Variants in ASAP3 observed in about 807,000 individuals in gnomAD.
The protein encoded by ASAP3 is arf-GAP with SH3 domain, ANK repeat and PH domain-containing protein 3.
A neutral mutation model predicts 118.2 loss-of-function variants in ASAP3; 85 were observed. The observed-to-expected ratio is 0.72, with a 90% CI of 0.60 to 0.86. The LOEUF (loss-of-function observed/expected upper bound fraction) is 0.86, where lower values mean the gene tolerates loss of function less well. Among genes scored for constraint, ASAP3 ranks in the 40% least tolerant of loss-of-function variants. The probability of loss-of-function intolerance (pLI) is 0.00; values close to 1 mark genes in which losing one functional copy is unlikely to be tolerated. For missense variants in ASAP3, 1,026 were observed against 1,175.0 expected (o/e 0.87, Z 1.85); for synonymous variants, 432 against 477.4 (o/e 0.90, Z 1.24).
chr1:23,441,299 AG>A (rs2148617088), intron 9 of ASAP3, 87 bp downstream of exon 9: 2 of 1,604,106 alleles, frequency 1.2e-6, no homozygotes, highest in East Asian at 4.5e-5. Context: ...AGACTTCTCC[AG>A]GGGACCCTGT....
At chr1:23,457,153 C>T (rs557896572) in intron 1 of ASAP3, among the ~76,000 whole-genome samples, 2 of 152,222 alleles carry the variant, frequency 1.3e-5, no homozygotes, top group Non-Finnish European at 2.9e-5. Context: ...AGATGGGAGG[C>T]CCTTACCGAG....
intron 7 of ASAP3, among the ~76,000 whole-genome samples, chr1:23,441,968 A>C (rs1330256728): frequency 1.3e-5 from 2 of 152,168 alleles, no homozygotes; most frequent in Admixed American, 6.5e-5. Context: ...AATGGGGATA[A>C]TAGAGTACCT....
Position 23,484,174 on chromosome 1 carries a change from G to C in ASAP3, c.-41C>G, listed in dbSNP as rs1407053708. 15 of 1,239,128 alleles carry C rather than the reference G, an allele frequency of 1.2e-5. No individual in the cohort carries two copies. Among genetic ancestry groups the C allele is most frequent in the African/African-American group, 1.6e-5 (1 of 63,900 alleles). 76.8% of individuals were successfully genotyped at this position (1,239,128 alleles called of 1,614,324 possible). ...GGAGCTGCCGGAGCGGGGCGCGGGG[G>C]GCACTGAGCTGCTCCGCGCTGAGCC... On this transcript the variant is annotated 5_prime_UTR_variant, in exon 1 of 25. Transcript: ENST00000336689.
In ASAP3 at chr1:23,437,263, C is replaced by T; in HGVS notation, c.1209G>A (p.Gly403=). The T allele has an allele frequency of 6.3e-7, 1 of 1,595,630 alleles. No homozygotes were observed. Among genetic ancestry groups the T allele is most frequent in the African/African-American group, 1.3e-5 (1 of 74,764 alleles). Residue 403 remains glycine, a synonymous_variant, in exon 14 of 25, where the codon GGG becomes GGA. Transcript: ENST00000336689. The surrounding 1 kb of genome is among the most constrained non-coding windows in gnomAD (Gnocchi z 6.1). ...KDEALSSAFL[G]EPSAGPGSWG... is the part of the protein sequence containing the mutation. ...AGGACCCCGGGCCAGCGCTGGGCTC[C>T]CCGAGGAAGGCGCTGCTCAGGGCTT...
At chr1:23,484,353 C>A, upstream of ASAP3, 2 of 387,570 alleles carry the variant, frequency 5.2e-6, no homozygotes, top group Non-Finnish European at 8.2e-6. Context: ...GTCCAGGCTC[C>A]GGCCCCGGTC....
intron 5 of ASAP3, among the ~76,000 whole-genome samples, chr1:23,446,105 G>T (rs1049939190): frequency 6.6e-6 from 1 of 152,158 alleles, no homozygotes; most frequent in Non-Finnish European, 1.5e-5. Flanking sequence ...TTTGGTATCT[G>T]CGGGGGTCCT....
chr1:23,452,340 C>T (rs1402449288), intron 4 of ASAP3, among the ~76,000 whole-genome samples: 1 of 152,224 alleles, frequency 6.6e-6, no homozygotes, highest in East Asian at 1.9e-4. Flanking sequence ...ATTCAGGATC[C>T]CTGGATTCCC....
intron 5 of ASAP3, among the ~76,000 whole-genome samples, chr1:23,443,253 C>T (rs1035377303): frequency 3.9e-5 from 6 of 152,130 alleles, no homozygotes; most frequent in Non-Finnish European, 4.4e-5. Flanking sequence ...AGTTTTGTTT[C>T]GTGGATATAC....
rs1640352012 is a variant in ASAP3, at chr1:23,429,628, A to G, written c.*228T>C. The stretch of plus-strand genomic sequence containing the variant: ...CCAGCCACAGGGCTCCCAGGCCCCT[A>G]GCGGGTAATGAGATAGGAAAGAACC... On this transcript the variant is annotated 3_prime_UTR_variant, in exon 25 of 25. Coordinates refer to ENST00000336689, the MANE Select transcript of ASAP3 (RefSeq NM_017707.4). The G allele has an allele frequency of 2.3e-6, 1 of 443,754 alleles. No homozygotes were observed. The highest frequency in any genetic ancestry group is 2.0e-5 in the African/African-American group (1 of 49,362). The allele number at this position is 443,754 out of a possible 1,614,324, so 27.5% of individuals were successfully genotyped here.
chr1:23,435,838 GA>G lies in ASAP3; in HGVS notation c.1749+12del. 6.2e-7 allele frequency: 1 copy of G among 1,614,246 alleles called. No homozygotes were observed. Among genetic ancestry groups the G allele is most frequent in the Non-Finnish European group, 8.5e-7 (1 of 1,180,028 alleles). On this transcript the variant is annotated intron_variant, in intron 17 of 24. Coordinates refer to ENST00000336689, the MANE Select transcript of ASAP3 (RefSeq NM_017707.4). ...ACAGGTGGGTTATAAGTGGCCCTTG[GA>G]GGGGTTCTCACCTGTGCATCAGGCC...
intron 1 of ASAP3, among the ~76,000 whole-genome samples, chr1:23,464,656 T>C (rs1209387703): frequency 2.9e-5 from 2 of 68,916 alleles, no homozygotes; most frequent in African/African-American, 1.4e-4. Context: ...TGAGACACTG[T>C]CTTAAAAAAA....
chr1:23,436,899 C>T lies in ASAP3; in HGVS notation c.1476+12G>A, dbSNP rs756563047. 3.1e-6 allele frequency: 5 copies of T among 1,609,772 alleles called. No homozygotes were observed. The highest frequency in any genetic ancestry group is 4.2e-6 in the Non-Finnish European group (5 of 1,178,832). ...CGCTTCTGGCCCCTTCCAGGCCCCG[C>T]CCCGCCCTCACCAACAACTCGGAGG... On this transcript the variant is annotated intron_variant, in intron 15 of 24. Coordinates refer to ENST00000336689, the MANE Select transcript of ASAP3 (RefSeq NM_017707.4). The surrounding 1 kb of genome is among the most constrained non-coding windows in gnomAD (Gnocchi z 4.2).
At chr1:23,440,647 G>A (rs1435475874) in intron 10 of ASAP3, among the ~76,000 whole-genome samples, 1 of 148,510 alleles carries the variant, frequency 6.7e-6, no homozygotes, top group Non-Finnish European at 1.5e-5. Context: ...ACAAGGTCAG[G>A]AGATCGAGAC....
chr1:23,437,595 A>C lies in ASAP3; in HGVS notation c.1103-123T>G. On this transcript the variant is annotated intron_variant, in intron 12 of 24. Coordinates refer to ENST00000336689, the MANE Select transcript of ASAP3 (RefSeq NM_017707.4). The surrounding 1 kb of genome is among the most constrained non-coding windows in gnomAD (Gnocchi z 6.1). ...TGTGTCCCTGACAAGTCGGACTCTC[A>C]AGCTAGGAGTGGGAAGGGAGTGGAA... 4.9e-6 allele frequency: 6 copies of C among 1,216,426 alleles called. No homozygotes were observed. In the South Asian group the frequency reaches 8.7e-5, roughly 18 times the overall value. The allele number at this position is 1,216,426 out of a possible 1,614,324, so 75.4% of individuals were successfully genotyped here.
rs1413237225 is a variant in ASAP3 at position 23,433,164 on chromosome 1, C to T, written c.2236G>A (p.Gly746Ser). Residue 746 changes from glycine (G) to serine (S), a missense_variant, in exon 22 of 25, where the codon GGC becomes AGC. By Grantham distance (56) the Gly-to-Ser change is moderately conservative (BLOSUM62 0). Transcript: ENST00000336689. ...GGCGGGGGACAGTCCTCACTCTCGC[C>T]CTGAGGGGTGGCTGCTCCCAGGCTG... Reference protein sequence around the residue: ...VASLGAATPQGESEDCPPPLP... With the variant: ...VASLGAATPQSESEDCPPPLP... 5 of 1,614,040 alleles carry T rather than the reference C, an allele frequency of 3.1e-6. No individual in the cohort carries two copies. The East Asian group carries it at 8.9e-5, about 29-fold the overall frequency.
chr1:23,459,170 CAAAA>C (rs59149141), intron 1 of ASAP3, among the ~76,000 whole-genome samples: 3 of 68,312 alleles, frequency 4.4e-5, no homozygotes, highest in East Asian at 4.5e-4. Context: ...GACTCCATCT[CAAAA>C]AAAAAAAAAA....
chr1:23,484,436 C>T (rs1186757817), upstream of ASAP3: 4 of 212,120 alleles, frequency 1.9e-5, no homozygotes, highest in Non-Finnish European at 3.7e-5. Flanking sequence ...CAGCCCCTCA[C>T]CGCCTCAGAC....
intron 5 of ASAP3, among the ~76,000 whole-genome samples, chr1:23,450,563 C>A (rs1641180818): frequency 1.3e-5 from 2 of 149,640 alleles, no homozygotes; most frequent in African/African-American, 2.5e-5. Context: ...CCCCATCCAA[C>A]CTTTTTTTTT....
Position 23,471,756 on chromosome 1 carries a change from ACG to A in ASAP3, c.129+12247_129+12248del, listed in dbSNP as rs550996227. ...ACTGAACTCAGTCAGGCATTTAAGC[ACG>A]TGGCCCAGCATAATACACACAGAAA... On this transcript the variant is annotated intron_variant, in intron 1 of 24. Transcript: ENST00000336689. 1.5e-3 allele frequency among the ~76,000 whole-genome samples: 235 copies of A among 152,328 alleles called. 1 individual carries two copies. Among genetic ancestry groups the A allele is most frequent in the African/African-American group, 4.9e-3 (203 of 41,570 alleles).
Sources: allele counts gnomAD v4.1 joint callset (sites outside exome capture counted in the v4.1 genomes callset), GRCh38; gene constraint gnomAD v4.1.1; non-coding constraint Gnocchi (gnomAD v3.1); transcripts MANE v1.5; gene names NCBI Gene and HGNC (gene_info 2026-07-23, HGNC 2026-07-21).